Variants in TOMM34 observed in about 807,000 individuals in gnomAD.
TOMM34 encodes translocase of outer mitochondrial membrane 34, also known as mitochondrial import receptor subunit TOM34.
A neutral mutation model predicts 37.4 loss-of-function variants in TOMM34; 24 were observed. That is an observed-to-expected ratio of 0.64 (90% CI 0.46 to 0.90). TOMM34 has a LOEUF of 0.90. Ranked by LOEUF, TOMM34 falls within the 40% of genes least tolerant of loss-of-function variation. The pLI, the probability that TOMM34 is intolerant of heterozygous loss-of-function variation, is 0.00. For synonymous variants in TOMM34, 154 were observed against 148.9 expected (o/e 1.03, Z -0.25); for missense variants, 304 against 375.6 (o/e 0.81, Z 1.58).
At position 44,943,172 on chromosome 20, in the gene TOMM34, C is replaced by T; in HGVS notation, c.867G>A (p.Gln289=). The T allele has an allele frequency of 6.2e-7, 1 of 1,614,146 alleles. No homozygotes were observed. The highest frequency in any genetic ancestry group is 8.5e-7 in the Non-Finnish European group (1 of 1,180,014). ...SSFADISNLL[Q]IEPRNGPAQK... ...GTGCAGGACCATTCCTAGGCTCAAT[C>T]TGTAGGAGGTTGCTGATGTCTGCAA... The change falls in exon 7 of 7, where the codon CAG becomes CAA. Residue 289 remains glutamine, a synonymous_variant. Coordinates refer to ENST00000372813, the MANE Select transcript of TOMM34 (RefSeq NM_006809.5).
At chr20:44,948,903 A>C (rs1438797096) in intron 4 of TOMM34, 26 bp from the exon 5 acceptor site, 3 of 1,611,672 alleles carry the variant, frequency 1.9e-6, no homozygotes, top group South Asian at 1.1e-5. Flanking sequence ...GAAGAGGAAA[A>C]AAACCATGGA....
intron 1 of TOMM34, 110 bp downstream of exon 1, chr20:44,960,097 G>A (rs982785197): frequency 1.2e-4 from 166 of 1,429,270 alleles, no homozygotes; most frequent in Non-Finnish European, 1.2e-4. Context: ...GGAAGGGGCT[G>A]GAAGGGTGGG....
intron 1 of TOMM34, 122 bp from the exon 2 acceptor site, chr20:44,956,607 T>A: frequency 1.2e-6 from 1 of 824,320 alleles, no homozygotes; most frequent in Non-Finnish European, 1.9e-6. Context: ...AACTATAACC[T>A]GTTCAGGCTT....
intron 5 of TOMM34, among the ~76,000 whole-genome samples, chr20:44,947,808 C>T (rs897101240): frequency 3.3e-5 from 5 of 152,176 alleles, no homozygotes; most frequent in Admixed American, 2.0e-4. Flanking sequence ...CTGGAAAACA[C>T]ATTTTATCTC....
chr20:44,947,685 A>G (rs755786322), intron 5 of TOMM34, among the ~76,000 whole-genome samples: 17 of 152,090 alleles, frequency 1.1e-4, no homozygotes, highest in Non-Finnish European at 2.4e-4. Context: ...TTTTTAGTAG[A>G]GATGGGGTTT....
intron 1 of TOMM34, among the ~76,000 whole-genome samples, chr20:44,958,144 A>ATGTGTG (rs145616616): frequency 1.2e-4 from 17 of 146,980 alleles, no homozygotes; most frequent in African/African-American, 2.5e-4. Flanking sequence ...ATGTATATAT[A>ATGTGTG]TGTGTGTGTG....
At chr20:44,959,999 T>G in intron 1 of TOMM34, 2 of 983,398 alleles carry the variant, frequency 2.0e-6, no homozygotes, top group Non-Finnish European at 2.4e-6. Context: ...GAACGAGGCC[T>G]AAATAACTTA....
chr20:44,955,559 A>G, intron 2 of TOMM34: 1 of 471,796 alleles, frequency 2.1e-6, no homozygotes, highest in Non-Finnish European at 4.2e-6. Context: ...ATAACAAACA[A>G]GCTTTGGAGT....
chr20:44,951,581 A>C (rs985436894), intron 4 of TOMM34, among the ~76,000 whole-genome samples: 3 of 152,190 alleles, frequency 2.0e-5, no homozygotes, highest in African/African-American at 7.2e-5. Context: ...CTGCATGCCT[A>C]TGTGCCAGGC....
At chr20:44,946,388 C>G (rs1037236762) in intron 5 of TOMM34, among the ~76,000 whole-genome samples, 19 of 152,144 alleles carry the variant, frequency 1.2e-4, no homozygotes, top group Non-Finnish European at 2.1e-4. Context: ...TAACTGTATC[C>G]AGTCAGAAGG....
chr20:44,953,153 A>G (rs1284867090), intron 3 of TOMM34, among the ~76,000 whole-genome samples: 1 of 152,074 alleles, frequency 6.6e-6, no homozygotes, highest in Non-Finnish European at 1.5e-5. Context: ...TCCAACCGTC[A>G]GCATTTAAGT....
rs745318226 is a variant in TOMM34 at position 44,955,246 on chromosome 20, C to G, written c.228-26G>C. ...CTAGAATAGGAGGCAAAAATGTCAACTGGCTGGCTGCTGAGCCACCAGGGT... is the reference window on the plus strand; with the variant it reads ...CTAGAATAGGAGGCAAAAATGTCAAGTGGCTGGCTGCTGAGCCACCAGGGT... On this transcript the variant is annotated intron_variant, in intron 2 of 6. Transcript: ENST00000372813. The G allele has an allele frequency of 6.2e-6, 10 of 1,609,016 alleles. No homozygotes were observed. The East Asian group carries it at 1.1e-4, about 18-fold the overall frequency.
chr20:44,959,171 A>C (rs1204214705), intron 1 of TOMM34: 1 of 152,200 alleles, frequency 6.6e-6, no homozygotes, highest in Non-Finnish European at 1.5e-5. Context: ...TGTCTAGCAC[A>C]TGGTAAATCA....
chr20:44,953,510 G>A (rs2067044209), intron 3 of TOMM34, among the ~76,000 whole-genome samples: 3 of 152,132 alleles, frequency 2.0e-5, no homozygotes, highest in South Asian at 4.1e-4. Context: ...TAGCTGTGAT[G>A]TTCTTTTTCT....
intron 5 of TOMM34, among the ~76,000 whole-genome samples, chr20:44,943,873 C>T (rs1015334808): frequency 6.6e-6 from 1 of 152,094 alleles, no homozygotes; most frequent in African/African-American, 2.4e-5. Context: ...CTAGTTCTAT[C>T]ATGCTGTACT....
intron 4 of TOMM34, among the ~76,000 whole-genome samples, chr20:44,950,511 A>C (rs960266857): frequency 1.2e-4 from 18 of 152,236 alleles, no homozygotes; most frequent in African/African-American, 3.9e-4. Context: ...ACTGCTTAGC[A>C]TACACATGGC....
chr20:44,947,023 T>C (rs772942630), intron 5 of TOMM34, among the ~76,000 whole-genome samples: 3 of 152,216 alleles, frequency 2.0e-5, no homozygotes, highest in Non-Finnish European at 2.9e-5. Context: ...GACACCTGCA[T>C]GAAGAACAGT....
Position 44,943,062 on chromosome 20 carries a change from T to A in TOMM34, c.*47A>T. On this transcript the variant is annotated 3_prime_UTR_variant, in exon 7 of 7. Coordinates refer to ENST00000372813, the MANE Select transcript of TOMM34 (RefSeq NM_006809.5). ...GGGCACAGAGCAGGTGGCCCATGGC[T>A]TCTCTGGGTAAGGTCAGGCAGGGGT... is the stretch of plus-strand genomic sequence containing the variant. 6.2e-7 allele frequency: 1 copy of A among 1,600,774 alleles called. No homozygotes were observed. Among genetic ancestry groups the A allele is most frequent in the Non-Finnish European group, 8.6e-7 (1 of 1,169,008 alleles).
intron 1 of TOMM34, 22 bp downstream of exon 1, chr20:44,960,185 G>T: frequency 6.5e-7 from 1 of 1,549,620 alleles, no homozygotes; most frequent in South Asian, 1.2e-5. Flanking sequence ...GCCCGGAGGT[G>T]AGATGGGGGC....
Sources: allele counts gnomAD v4.1 joint callset (sites outside exome capture counted in the v4.1 genomes callset), GRCh38; gene constraint gnomAD v4.1.1; transcripts MANE v1.5; gene names NCBI Gene and HGNC (gene_info 2026-07-23, HGNC 2026-07-21).